Variants in ADAR observed in about 807,000 individuals in gnomAD.
ADAR encodes double-stranded RNA-specific adenosine deaminase.
A neutral mutation model predicts 113.2 loss-of-function variants in ADAR; 41 were observed. The ratio of observed to expected loss-of-function variants is 0.36; its 90% CI spans 0.28 to 0.47. ADAR has a LOEUF of 0.47. Among genes scored for constraint, ADAR ranks in the 20% least tolerant of loss-of-function variants. The pLI is 1.00. For missense variants in ADAR, 1,242 were observed against 1,540.9 expected, an observed-to-expected ratio of 0.81 and a Z score of 3.25; for synonymous variants, 605 against 572.6, an observed-to-expected ratio of 1.06 and a Z score of -0.81.
chr1:154,621,650 G>A (rs1698794407), intron 1 of ADAR, among the ~76,000 whole-genome samples: 1 of 152,188 alleles, frequency 6.6e-6, no homozygotes, highest in South Asian at 2.1e-4. Context: ...AAATTAAAAT[G>A]AGATGCTATT....
Position 154,585,031 on chromosome 1 carries a change from T to C in ADAR, c.3456A>G (p.Glu1152=), listed in dbSNP as rs1273179467. ...TRGTVDGPRN[E]LSRVSKKNIF... ...TGTTCTTTTTGGAGACCCGGGACAA[T>C]TCATTCCGTGGCCTAGAGAAACAAA... The change falls in exon 15 of 15, where the codon GAA becomes GAG. Residue 1152 remains glutamate (E), a synonymous_variant. Coordinates refer to ENST00000368474, the MANE Select transcript of ADAR (RefSeq NM_001111.5). The C allele has an allele frequency of 6.2e-7, 1 of 1,613,914 alleles. No individual in the cohort carries two copies. Among genetic ancestry groups the C allele is most frequent in the East Asian group, 2.2e-5 (1 of 44,878 alleles).
intron 2 of ADAR, among the ~76,000 whole-genome samples, chr1:154,599,103 C>A (rs1697701558): frequency 6.6e-6 from 1 of 152,174 alleles, no homozygotes; most frequent in South Asian, 2.1e-4. Context: ...AGACCTATAT[C>A]ACCGTAGTTT....
Position 154,590,093 on chromosome 1 carries a change from A to G in ADAR, c.2496+91T>C, listed in dbSNP as rs1697029199. On this transcript the variant is annotated intron_variant, in intron 7 of 14. Transcript: ENST00000368474. The stretch of plus-strand genomic sequence containing the variant: ...CTCGAGGCTAAGAGTAAAGCCTAGG[A>G]ATAACTCGCATGACAGCAAGAGCCA... 5 of 1,507,410 alleles carry G rather than the reference A, an allele frequency of 3.3e-6. No homozygotes were observed. In the Admixed American group the frequency reaches 5.1e-5, roughly 15 times the overall value. 93.4% of individuals were successfully genotyped at this position (1,507,410 alleles called of 1,614,324 possible). A position where few individuals can be genotyped will look rare whatever the true frequency, so the allele number is the denominator to read the frequency against.
At chr1:154,615,423 ATTTT>A (rs1293397472) in intron 1 of ADAR, among the ~76,000 whole-genome samples, 3 of 152,038 alleles carry the variant, frequency 2.0e-5, no homozygotes, top group Non-Finnish European at 1.5e-5. Flanking sequence ...TCCTTTATTT[ATTTT>A]TTAAAAGACA....
chr1:154,603,651 A>G, intron 1 of ADAR, among the ~76,000 whole-genome samples: 1 of 152,070 alleles, frequency 6.6e-6, no homozygotes, highest in East Asian at 1.9e-4. Context: ...CCACCTGCAA[A>G]CCAGTACTGT....
chr1:154,589,126 G>A (rs1053989202), intron 9 of ADAR, among the ~76,000 whole-genome samples: 6 of 152,248 alleles, frequency 3.9e-5, no homozygotes, highest in Non-Finnish European at 7.3e-5. Flanking sequence ...TGAAGCAGCA[G>A]AGTTAGCAGA....
At position 154,601,456 on chromosome 1, in the gene ADAR, T is replaced by C. The variant is rs1390631215; in HGVS notation, c.1186A>G (p.Thr396Ala). The change falls in exon 2 of 15, where the codon ACA becomes GCA. Residue 396 changes from threonine to alanine, a missense_variant. This residue lies in a region of ADAR where 462 missense variants were observed against 483.1 expected (regional missense o/e 0.96). Transcript: ENST00000368474. The surrounding 1 kb of genome is among the most constrained non-coding windows in gnomAD (Gnocchi z 4.7). ...NAEFLTCNIP[T>A]SNASNNMVTT... ...ACCATGTTATTTGAGGCATTTGATG[T>C]GGGTATATTACAGGTGAGGAACTCT... 1 of 1,614,220 alleles carries C rather than the reference T, an allele frequency of 6.2e-7. No individual in the cohort carries two copies.
rs1268085105 is a variant in ADAR at position 154,585,049 on chromosome 1, G to C, written c.3444-6C>G. On this transcript the variant is annotated splice_region_variant and splice_polypyrimidine_tract_variant and intron_variant, in intron 14 of 14. Coordinates refer to ENST00000368474, the MANE Select transcript of ADAR (RefSeq NM_001111.5). ...GGGACAATTCATTCCGTGGCCTAGAGAAACAAAAGCACTCATTATTCACCT... is the reference window on the plus strand; with the variant it reads ...GGGACAATTCATTCCGTGGCCTAGACAAACAAAAGCACTCATTATTCACCT... 1 of 1,613,574 alleles carries C rather than the reference G, an allele frequency of 6.2e-7. No individual in the cohort carries two copies.
At chr1:154,611,286 G>A (rs9427100), upstream of ADAR, among the ~76,000 whole-genome samples, 61,325 of 151,964 alleles carry the variant, frequency 0.4, 13,504 homozygotes, top group East Asian at 0.54. Flanking sequence ...AGGACACAGT[G>A]GCAAAGCAGT....
At chr1:154,623,032 G>A (rs560115846) in intron 1 of ADAR, among the ~76,000 whole-genome samples, 1 of 151,814 alleles carries the variant, frequency 6.6e-6, no homozygotes, top group South Asian at 2.1e-4. Flanking sequence ...AATAATACTA[G>A]CTAAGGGTAG....
At chr1:154,618,974 G>A (rs769513871) in intron 1 of ADAR, among the ~76,000 whole-genome samples, 2 of 152,158 alleles carry the variant, frequency 1.3e-5, no homozygotes, top group Non-Finnish European at 2.9e-5. Flanking sequence ...GCCGGGCGTG[G>A]TGGCAGGTAC....
intron 1 of ADAR, among the ~76,000 whole-genome samples, chr1:154,616,363 G>A (rs1241278122): frequency 6.6e-6 from 1 of 151,980 alleles, no homozygotes; most frequent in African/African-American, 2.4e-5. Flanking sequence ...CCTTCTGTTG[G>A]ACCATGCCCC....
upstream of ADAR, chr1:154,608,273 G>A (rs1268936805): frequency 4.0e-6 from 2 of 497,816 alleles, no homozygotes; most frequent in Non-Finnish European, 7.0e-6. Flanking sequence ...CGCCACGCTT[G>A]GTTTCAGGCC....
rs368425519 is a variant in ADAR, at chr1:154,584,947, G to A, written c.3540C>T (p.Leu1180=). ...CAGCTTTCTTGGCCTCACCATAGGA[G>A]AGTCTCAGTAGATCCCTGCGGTAAC... The part of the protein sequence containing the change: ...SFRYRRDLLR[L]SYGEAKKAAR... The change falls in exon 15 of 15, where the codon CTC becomes CTT. Residue 1180 remains leucine (L), a synonymous_variant. Coordinates refer to ENST00000368474, the MANE Select transcript of ADAR (RefSeq NM_001111.5). The A allele has an allele frequency of 1.9e-5, 31 of 1,614,172 alleles. No individual in the cohort carries two copies. The highest frequency in any genetic ancestry group is 2.6e-5 in the Non-Finnish European group (31 of 1,180,032).
At chr1:154,607,921 T>G in intron 1 of ADAR, 71 bp downstream of exon 1, 1 of 1,605,372 alleles carries the variant, frequency 6.2e-7, no homozygotes, top group African/African-American at 1.3e-5. Context: ...CGCTACGCAC[T>G]GCAACACAAA....
rs112330982 is a variant in ADAR, at chr1:154,584,147, G to C, written c.*659C>G. The C allele has an allele frequency of 6.6e-6, 1 of 152,380 alleles. No individual in the cohort carries two copies. Among genetic ancestry groups the C allele is most frequent in the African/African-American group, 2.4e-5 (1 of 41,448 alleles). 9.4% of individuals were successfully genotyped at this position (152,380 alleles called of 1,614,324 possible). On this transcript the variant is annotated 3_prime_UTR_variant, in exon 15 of 15. Coordinates refer to ENST00000368474, the MANE Select transcript of ADAR (RefSeq NM_001111.5). ...GGAAGCAGCTTTCCTTGCCTTGCCC[G>C]CCCTGCAGCTGGCTAAAGTGCAGGA...
At position 154,588,685 on chromosome 1, in the gene ADAR, A is replaced by G; in HGVS notation, c.2763-12T>C. ...CACTGTAGAGAAACCTACAAAAAGAAAGTCTGGTTAGGAAGGCAGGTTCAA... is the reference window on the plus strand; with the variant it reads ...CACTGTAGAGAAACCTACAAAAAGAGAGTCTGGTTAGGAAGGCAGGTTCAA... On this transcript the variant is annotated splice_polypyrimidine_tract_variant and intron_variant, in intron 9 of 14. Transcript: ENST00000368474. 6.2e-7 allele frequency: 1 copy of G among 1,614,162 alleles called. No homozygotes were observed. The highest frequency in any genetic ancestry group is 8.5e-7 in the Non-Finnish European group (1 of 1,180,022).
intron 1 of ADAR, among the ~76,000 whole-genome samples, chr1:154,623,198 C>T (rs1698840297): frequency 6.6e-6 from 1 of 152,132 alleles, no homozygotes; most frequent in Non-Finnish European, 1.5e-5. Flanking sequence ...GGATGCCTAG[C>T]TCATTAAGGA....
chr1:154,618,930 C>T (rs1468528357), intron 1 of ADAR, among the ~76,000 whole-genome samples: 1 of 152,016 alleles, frequency 6.6e-6, no homozygotes, highest in Non-Finnish European at 1.5e-5. Flanking sequence ...GCCAACATGG[C>T]GAAACCCCGT....
Sources: allele counts gnomAD v4.1 joint callset (sites outside exome capture counted in the v4.1 genomes callset), GRCh38; gene constraint gnomAD v4.1.1; regional missense constraint gnomAD v4.1.1; non-coding constraint Gnocchi (gnomAD v3.1); transcripts MANE v1.5; gene names NCBI Gene and HGNC (gene_info 2026-07-23, HGNC 2026-07-21).